Variants in INSC observed in about 807,000 individuals in gnomAD.
The protein encoded by INSC is INSC spindle orientation adaptor protein, also known as protein inscuteable homolog.
INSC carries 67 observed loss-of-function variants against 58.6 expected under a neutral mutation model. The ratio of observed to expected loss-of-function variants is 1.14; its 90% CI spans 0.94 to 1.40. The LOEUF is 1.40. Ranked by LOEUF, INSC falls within the 40% of genes most tolerant of loss-of-function variation. INSC has a pLI of 0.00. For missense variants in INSC, 714 were observed against 692.0 expected (o/e 1.03, Z -0.36); for synonymous variants, 262 against 276.1 (o/e 0.95, Z 0.51).
At chr11:15,268,056 C>T in the INSC span, among the ~76,000 whole-genome samples, 2 of 151,992 alleles carry the variant, frequency 1.3e-5, no homozygotes, top group African/African-American at 4.8e-5. Flanking sequence ...CTGCATTCCA[C>T]CTCCTTGCAC....
intron 1 of INSC, among the ~76,000 whole-genome samples, chr11:15,148,671 A>G (rs78649469): frequency 0.018 from 2,753 of 152,326 alleles, 84 homozygotes; most frequent in African/African-American, 0.062. Context: ...ACACTTAAGC[A>G]TAATCACAGT....
At chr11:15,226,067 A>G (rs1393410794) in intron 9 of INSC, among the ~76,000 whole-genome samples, 4 of 152,148 alleles carry the variant, frequency 2.6e-5, no homozygotes, top group African/African-American at 4.8e-5. Flanking sequence ...GTAAAAGAAT[A>G]TATTTTCTGT....
the INSC span, among the ~76,000 whole-genome samples, chr11:15,255,626 T>G: frequency 6.6e-6 from 1 of 152,332 alleles, no homozygotes; most frequent in East Asian, 1.9e-4. Flanking sequence ...AATCTTGTCT[T>G]CTTTAACACA....
chr11:15,180,315 G>A (rs1056050985), intron 5 of INSC, among the ~76,000 whole-genome samples: 1 of 152,006 alleles, frequency 6.6e-6, no homozygotes, highest in African/African-American at 2.4e-5. Flanking sequence ...CTGAAAAAGA[G>A]GTGTTAAACT....
the INSC span, among the ~76,000 whole-genome samples, chr11:15,262,797 C>A: frequency 9.9e-5 from 15 of 151,784 alleles, no homozygotes; most frequent in Admixed American, 1.3e-4. Flanking sequence ...TTTCCACAGA[C>A]AAAGCTCAAA....
chr11:15,169,312 G>A (rs982183272), intron 2 of INSC, among the ~76,000 whole-genome samples: 1 of 152,164 alleles, frequency 6.6e-6, no homozygotes, highest in Non-Finnish European at 1.5e-5. Flanking sequence ...GAGTAGCTAT[G>A]TTCCTTTCCC....
chr11:15,117,513 C>T (rs1030727134), intron 1 of INSC, among the ~76,000 whole-genome samples: 4 of 152,200 alleles, frequency 2.6e-5, no homozygotes, highest in Non-Finnish European at 4.4e-5. Flanking sequence ...TGCTGGGAAG[C>T]TCTTAGTCCA....
intron 10 of INSC, among the ~76,000 whole-genome samples, chr11:15,236,110 A>G (rs533481825): frequency 6.7e-4 from 102 of 151,564 alleles, no homozygotes; most frequent in South Asian, 1.7e-3. Context: ...TTGCCTGAGC[A>G]TATATGTGTG....
intron 6 of INSC, among the ~76,000 whole-genome samples, chr11:15,192,256 C>T (rs1411098407): frequency 1.3e-5 from 2 of 152,218 alleles, no homozygotes; most frequent in East Asian, 3.8e-4. Flanking sequence ...TCTGTCCCAG[C>T]TGCTTGTCTG....
At chr11:15,223,713 G>A (rs907519836) in intron 8 of INSC, among the ~76,000 whole-genome samples, 1 of 152,208 alleles carries the variant, frequency 6.6e-6, no homozygotes, top group African/African-American at 2.4e-5. Flanking sequence ...CATGGATATA[G>A]GGAGGTGGCC....
At chr11:15,172,433 G>T (rs1849431530) in intron 2 of INSC, among the ~76,000 whole-genome samples, 1 of 152,166 alleles carries the variant, frequency 6.6e-6, no homozygotes, top group African/African-American at 2.4e-5. Context: ...CTGAATAACT[G>T]ATATATGTCA....
intron 9 of INSC, among the ~76,000 whole-genome samples, chr11:15,230,009 AT>A (rs1564917838): frequency 1.4e-3 from 38 of 26,576 alleles, no homozygotes; most frequent in Non-Finnish European, 2.0e-3. Context: ...ATATATATAT[AT>A]ATAATATATA....
At chr11:15,117,381 G>A (rs186226369) in intron 1 of INSC, among the ~76,000 whole-genome samples, 31 of 152,026 alleles carry the variant, frequency 2.0e-4, no homozygotes, top group African/African-American at 5.8e-4. Context: ...CTTCTCTTTG[G>A]CCTGATCCTA....
chr11:15,254,935 A>G, the INSC span, among the ~76,000 whole-genome samples: 5 of 152,224 alleles, frequency 3.3e-5, no homozygotes, highest in African/African-American at 1.2e-4. Context: ...CTATTACCAT[A>G]GTTGCCATTT....
intron 3 of INSC, among the ~76,000 whole-genome samples, chr11:15,176,321 G>T (rs1397516638): frequency 6.6e-6 from 1 of 151,972 alleles, no homozygotes; most frequent in Non-Finnish European, 1.5e-5. Flanking sequence ...AACCTGTGAG[G>T]TAGGTGCCAC....
At chr11:15,212,602 G>C (rs1486657579) in intron 7 of INSC, among the ~76,000 whole-genome samples, 1 of 152,118 alleles carries the variant, frequency 6.6e-6, no homozygotes, top group Non-Finnish European at 1.5e-5. Context: ...TTTATTCCTA[G>C]TTATGATTTC....
chr11:15,230,419 T>C (rs1851882615), intron 9 of INSC, among the ~76,000 whole-genome samples: 1 of 151,864 alleles, frequency 6.6e-6, no homozygotes, highest in South Asian at 2.1e-4. Flanking sequence ...GCTTCACCCT[T>C]TTCAACAAGA....
intron 1 of INSC, among the ~76,000 whole-genome samples, chr11:15,119,952 T>C (rs1847829874): frequency 6.6e-6 from 1 of 152,182 alleles, no homozygotes; most frequent in Admixed American, 6.5e-5. Flanking sequence ...AAATGCAATA[T>C]CCTTCTTTCT....
chr11:15,126,451 G>A (rs1847997186), intron 1 of INSC, among the ~76,000 whole-genome samples: 1 of 152,164 alleles, frequency 6.6e-6, no homozygotes, highest in Non-Finnish European at 1.5e-5. Context: ...AAAATATTCA[G>A]GTCTGGGCTC....
Sources: gnomAD v4.1 joint callset for allele counts (sites outside exome capture counted in the v4.1 genomes callset) on GRCh38, gnomAD v4.1.1 for gene constraint, MANE v1.5 for transcripts, NCBI Gene and HGNC (gene_info 2026-07-23, HGNC 2026-07-21) for gene names.